STXBP6: variants seen among roughly 807,000 people sequenced by gnomAD.
The protein encoded by STXBP6 is syntaxin binding protein 6.
STXBP6 carries 21 observed loss-of-function variants against 26.9 expected under a neutral mutation model. The ratio of observed to expected loss-of-function variants is 0.78; its 90% CI spans 0.55 to 1.12. The LOEUF is 1.12. STXBP6 is among the 50% of genes most tolerant of loss of function. The probability of loss-of-function intolerance (pLI) is 0.00; values close to 1 mark genes in which losing one functional copy is unlikely to be tolerated. For missense variants in STXBP6, 232 were observed against 257.9 expected (o/e 0.90, Z 0.69); for synonymous variants, 97 against 92.6 (o/e 1.05, Z -0.27).
intron 1 of STXBP6, among the ~76,000 whole-genome samples, chr14:25,011,286 A>G (rs1307575557): frequency 3.3e-5 from 5 of 152,216 alleles, no homozygotes; most frequent in African/African-American, 1.2e-4. Context: ...CAAGCTTCCT[A>G]CAAGATGACA....
intron 2 of STXBP6, among the ~76,000 whole-genome samples, chr14:24,923,984 C>G (rs532941149): frequency 1.6e-4 from 24 of 152,002 alleles, no homozygotes; most frequent in Non-Finnish European, 2.9e-4. Context: ...CCTTCTTTAC[C>G]CTGATAAAAA....
At chr14:24,882,650 C>T (rs2070416051) in intron 2 of STXBP6, among the ~76,000 whole-genome samples, 1 of 152,108 alleles carries the variant, frequency 6.6e-6, no homozygotes, top group Admixed American at 6.5e-5. Context: ...TGATCATTCT[C>T]TTCTAGTTCA....
At chr14:24,924,076 A>G (rs1039075455) in intron 2 of STXBP6, among the ~76,000 whole-genome samples, 1 of 152,028 alleles carries the variant, frequency 6.6e-6, no homozygotes, top group Admixed American at 6.6e-5. Context: ...TAGCCCATAA[A>G]ATTTATTTTT....
intron 2 of STXBP6, among the ~76,000 whole-genome samples, chr14:24,885,235 C>A (rs1359641934): frequency 6.6e-6 from 1 of 152,168 alleles, no homozygotes; most frequent in Non-Finnish European, 1.5e-5. Context: ...AAAACCACAC[C>A]TGATACGTTG....
At chr14:24,981,302 T>C (rs965217546) in intron 1 of STXBP6, among the ~76,000 whole-genome samples, 2 of 151,994 alleles carry the variant, frequency 1.3e-5, no homozygotes, top group Non-Finnish European at 2.9e-5. Flanking sequence ...AGGCAGAGTC[T>C]CACTGTTGCC....
At chr14:25,011,603 G>C (rs2075033465) in intron 1 of STXBP6, among the ~76,000 whole-genome samples, 1 of 152,098 alleles carries the variant, frequency 6.6e-6, no homozygotes, top group Non-Finnish European at 1.5e-5. Flanking sequence ...CTGAGCCCCA[G>C]AGACTACAAA....
chr14:24,937,180 C>T (rs191790192), intron 2 of STXBP6, among the ~76,000 whole-genome samples: 1 of 152,288 alleles, frequency 6.6e-6, no homozygotes, highest in Admixed American at 6.5e-5. Context: ...GGAGAAATAC[C>T]TAATGTAGGT....
At chr14:24,839,367 A>C (rs1351187079) in intron 4 of STXBP6, among the ~76,000 whole-genome samples, 1 of 147,724 alleles carries the variant, frequency 6.8e-6, no homozygotes, top group Non-Finnish European at 1.5e-5. Flanking sequence ...TTCATACAAC[A>C]CATGCTGTTC....
chr14:25,044,057 G>C (rs994781102), intron 1 of STXBP6, among the ~76,000 whole-genome samples: 6 of 151,566 alleles, frequency 4.0e-5, no homozygotes, highest in Non-Finnish European at 8.8e-5. Context: ...TGTAGTCCCA[G>C]CTACTCGGGA....
In STXBP6 at chr14:24,811,588, T is replaced by A. The variant is rs1459988271; in HGVS notation, c.*1121A>T. ...CTGACTGCAATGTAAAGGTTTGTGATTGTGGTGTTTTATATCAGACCAGGC... is the reference window on the plus strand; with the variant it reads ...CTGACTGCAATGTAAAGGTTTGTGAATGTGGTGTTTTATATCAGACCAGGC... On this transcript the variant is annotated 3_prime_UTR_variant, in exon 6 of 6. Coordinates refer to ENST00000323944, the MANE Select transcript of STXBP6 (RefSeq NM_001394410.1). 6.6e-6 allele frequency: 1 copy of A among 152,166 alleles called. No individual in the cohort carries two copies. Among genetic ancestry groups the A allele is most frequent in the African/African-American group, 2.4e-5 (1 of 41,434 alleles). 9.4% of individuals were successfully genotyped at this position (152,166 alleles called of 1,614,324 possible).
chr14:24,839,602 G>A (rs567422778), intron 4 of STXBP6, among the ~76,000 whole-genome samples: 1 of 152,206 alleles, frequency 6.6e-6, no homozygotes, highest in African/African-American at 2.4e-5. Context: ...TGGTAATCTT[G>A]TATATTGTGT....
chr14:25,047,166 T>C (rs1201979681), intron 1 of STXBP6, among the ~76,000 whole-genome samples: 1 of 152,150 alleles, frequency 6.6e-6, no homozygotes, highest in Admixed American at 6.6e-5. Context: ...ATGTCTGAGG[T>C]TTCTCCAAAA....
At chr14:24,931,801 A>G (rs758470143) in intron 2 of STXBP6, among the ~76,000 whole-genome samples, 6 of 152,162 alleles carry the variant, frequency 3.9e-5, no homozygotes, top group African/African-American at 7.2e-5. Context: ...TCAGTGGTCT[A>G]GGCAAGTGTG....
At chr14:24,875,445 C>T (rs1428471298) in intron 2 of STXBP6, among the ~76,000 whole-genome samples, 1 of 152,166 alleles carries the variant, frequency 6.6e-6, no homozygotes, top group Non-Finnish European at 1.5e-5. Context: ...GAATCTTCAA[C>T]TCTTTATGTC....
At chr14:25,006,071 A>G (rs117049019) in intron 1 of STXBP6, among the ~76,000 whole-genome samples, 1 of 152,318 alleles carries the variant, frequency 6.6e-6, no homozygotes, top group East Asian at 1.9e-4. Flanking sequence ...CTGTCAAAAT[A>G]TATCCCTGAC....
chr14:24,845,213 C>T (rs746721806), intron 4 of STXBP6, among the ~76,000 whole-genome samples: 5 of 152,014 alleles, frequency 3.3e-5, no homozygotes, highest in African/African-American at 7.3e-5. Context: ...GGGGTTTCAC[C>T]GTGTTAGCCA....
intron 2 of STXBP6, among the ~76,000 whole-genome samples, chr14:24,948,396 G>A (rs2073061357): frequency 6.6e-6 from 1 of 152,082 alleles, no homozygotes. Flanking sequence ...GAGAATCTAT[G>A]GGAAGTGCCA....
intron 2 of STXBP6, among the ~76,000 whole-genome samples, chr14:24,968,525 T>C (rs1204983226): frequency 3.3e-5 from 5 of 152,184 alleles, no homozygotes; most frequent in Non-Finnish European, 7.3e-5. Context: ...TAAATTTGGT[T>C]ACCCTAATTC....
chr14:24,963,706 G>A (rs1210380507), intron 2 of STXBP6, among the ~76,000 whole-genome samples: 2 of 152,132 alleles, frequency 1.3e-5, no homozygotes, highest in African/African-American at 4.8e-5. Flanking sequence ...TCCATTAAAT[G>A]AACTCTTTCT....
Sources: gnomAD v4.1 joint callset for allele counts (sites outside exome capture counted in the v4.1 genomes callset) on GRCh38, gnomAD v4.1.1 for gene constraint, MANE v1.5 for transcripts, NCBI Gene and HGNC (gene_info 2026-07-23, HGNC 2026-07-21) for gene names.